The following CEP112 variants were observed in gnomAD, a reference collection of about 807,000 sequenced individuals.
CEP112 encodes centrosomal protein of 112 kDa.
In CEP112, 127 loss-of-function variants were observed where a neutral mutation model predicts 153.0. The ratio of observed to expected loss-of-function variants is 0.83; its 90% CI spans 0.72 to 0.96. The LOEUF (loss-of-function observed/expected upper bound fraction) is 0.96, where lower values mean the gene tolerates loss of function less well. Ranked by LOEUF, CEP112 falls within the 40% of genes least tolerant of loss-of-function variation. The pLI is 0.00. For missense variants in CEP112, 1,089 were observed against 1,101.2 expected (o/e 0.99, Z 0.16); for synonymous variants, 358 against 374.4 (o/e 0.96, Z 0.51).
intron 4 of CEP112, among the ~76,000 whole-genome samples, chr17:66,140,765 G>A (rs1274532837): frequency 6.6e-6 from 1 of 152,004 alleles, no homozygotes; most frequent in Non-Finnish European, 1.5e-5. Flanking sequence ...GCCTCCCCGA[G>A]TGGCTGGGAT....
At chr17:65,967,392 T>C (rs1467027584) in intron 17 of CEP112, among the ~76,000 whole-genome samples, 1 of 152,202 alleles carries the variant, frequency 6.6e-6, no homozygotes. Flanking sequence ...TTATTCTCAG[T>C]AAGTTAGTTT....
chr17:65,994,909 C>G (rs1039614719), intron 17 of CEP112, among the ~76,000 whole-genome samples: 3 of 152,156 alleles, frequency 2.0e-5, no homozygotes, highest in African/African-American at 7.2e-5. Context: ...GGCCTAATCA[C>G]AAGTGAGAAT....
chr17:66,095,393 G>A (rs1013380733), intron 8 of CEP112, among the ~76,000 whole-genome samples: 7 of 152,022 alleles, frequency 4.6e-5, no homozygotes, highest in Admixed American at 4.6e-4. Context: ...TAGAGAACAC[G>A]ATGTTAAGTG....
At chr17:65,990,012 CA>C (rs2063539968) in intron 17 of CEP112, among the ~76,000 whole-genome samples, 1 of 151,854 alleles carries the variant, frequency 6.6e-6, no homozygotes, top group South Asian at 2.1e-4. Flanking sequence ...AACCACAATG[CA>C]AAAACCTATA....
chr17:65,971,286 TAAC>T (rs942333549), intron 17 of CEP112, among the ~76,000 whole-genome samples: 41 of 152,322 alleles, frequency 2.7e-4, no homozygotes, highest in Admixed American at 1.7e-3. Context: ...CACATGCACA[TAAC>T]AAATATGCAC....
chr17:65,647,633 T>C (rs370874737), intron 24 of CEP112, among the ~76,000 whole-genome samples: 100 of 131,498 alleles, frequency 7.6e-4, no homozygotes, highest in African/African-American at 3.2e-3. Flanking sequence ...CGTGCCACCA[T>C]GCCCAGCTAA....
chr17:65,894,804 T>C (rs2059604080), intron 20 of CEP112, among the ~76,000 whole-genome samples: 1 of 152,118 alleles, frequency 6.6e-6, no homozygotes, highest in Admixed American at 6.6e-5. Flanking sequence ...CACTACTCAC[T>C]GTTCTATTCT....
At chr17:65,826,066 C>G (rs1339892594) in intron 21 of CEP112, 1 of 1,485,342 alleles carries the variant, frequency 6.7e-7, no homozygotes, top group Non-Finnish European at 9.4e-7. Flanking sequence ...ATGCCTAACT[C>G]AGCTCAGCAA....
intron 16 of CEP112, among the ~76,000 whole-genome samples, chr17:66,009,001 ATATCTCT>A (rs1320738509): frequency 5.3e-5 from 8 of 152,172 alleles, no homozygotes; most frequent in Non-Finnish European, 1.2e-4. Context: ...AGGAGTGTAG[ATATCTCT>A]TAAACATACT....
intron 21 of CEP112, among the ~76,000 whole-genome samples, chr17:65,844,302 G>C (rs1338787611): frequency 2.0e-5 from 3 of 152,036 alleles, no homozygotes; most frequent in Non-Finnish European, 4.4e-5. Flanking sequence ...AATTCTACTA[G>C]GATTTTAACC....
intron 24 of CEP112, among the ~76,000 whole-genome samples, chr17:65,673,678 G>A (rs1598277511): frequency 6.6e-6 from 1 of 152,154 alleles, no homozygotes; most frequent in East Asian, 1.9e-4. Flanking sequence ...GAAAATAAAA[G>A]AGAATATATT....
At position 66,149,884 on chromosome 17, in the gene CEP112, G is replaced by GT. The variant is rs1242689416; in HGVS notation, c.471-17122dup. ...AAATTTAGGGTTTTTTTTTTTGTTT[G>GT]TTTGTTTTTTTTTTTTTTTTTTTTT... On this transcript the variant is annotated intron_variant, in intron 4 of 26. Coordinates refer to ENST00000535342, the MANE Select transcript of CEP112 (RefSeq NM_001199165.4). Among the ~76,000 whole-genome samples, 406 of 46,788 alleles carry GT rather than the reference G, an allele frequency of 8.7e-3. 67 individuals are homozygous for GT. The highest frequency in any genetic ancestry group is 0.017 in the African/African-American group (208 of 12,070). 30.7% of individuals were successfully genotyped at this position (46,788 alleles called of 152,430 possible).
At chr17:65,690,365 G>A (rs1271255401) in intron 23 of CEP112, among the ~76,000 whole-genome samples, 1 of 147,380 alleles carries the variant, frequency 6.8e-6, no homozygotes, top group Non-Finnish European at 1.5e-5. Context: ...GTTTGAAGCT[G>A]CAGTGGGCTA....
chr17:65,927,545 T>C, intron 19 of CEP112, 37 bp downstream of exon 19: 1 of 1,175,366 alleles, frequency 8.5e-7, no homozygotes, highest in Non-Finnish European at 1.2e-6. Context: ...ATATGTATTT[T>C]AAAAATTTAA....
At chr17:65,686,623 A>G (rs2047808114) in intron 24 of CEP112, among the ~76,000 whole-genome samples, 1 of 152,206 alleles carries the variant, frequency 6.6e-6, no homozygotes, top group Non-Finnish European at 1.5e-5. Flanking sequence ...GTTGACCTTC[A>G]GTGACAATTA....
chr17:66,044,197 T>C (rs979044033), intron 12 of CEP112, among the ~76,000 whole-genome samples: 6 of 151,996 alleles, frequency 3.9e-5, no homozygotes, highest in Non-Finnish European at 8.8e-5. Context: ...AATTCCATTG[T>C]GAATGATATT....
chr17:65,720,088 A>G (rs1249521702), intron 23 of CEP112, among the ~76,000 whole-genome samples: 1 of 152,138 alleles, frequency 6.6e-6, no homozygotes, highest in East Asian at 1.9e-4. Context: ...AATGAAAGAG[A>G]GGAGGAAAGG....
intron 17 of CEP112, among the ~76,000 whole-genome samples, chr17:65,969,388 AATAC>A (rs960577171): frequency 2.8e-4 from 43 of 152,336 alleles, no homozygotes; most frequent in African/African-American, 1.0e-3. Context: ...TACATTGCAT[AATAC>A]ATACCACATG....
rs533608500 is a variant in CEP112 at position 66,157,615 on chromosome 17, T to C, written c.470+17429A>G. On this transcript the variant is annotated intron_variant, in intron 4 of 26. Coordinates refer to ENST00000535342, the MANE Select transcript of CEP112 (RefSeq NM_001199165.4). Reference sequence around the variant, plus strand: ...GATAAAGAGTCAAGACCCATCAGTGTGCTGTATTCAGGAGACCCATCTCAC... The same window carrying C: ...GATAAAGAGTCAAGACCCATCAGTGCGCTGTATTCAGGAGACCCATCTCAC... 4.6e-5 allele frequency among the ~76,000 whole-genome samples: 7 copies of C among 150,846 alleles called. No homozygotes were observed. In the South Asian group the frequency reaches 1.5e-3, roughly 32 times the overall value.
Sources: gnomAD v4.1 joint callset for allele counts (sites outside exome capture counted in the v4.1 genomes callset) on GRCh38, gnomAD v4.1.1 for gene constraint, MANE v1.5 for transcripts, NCBI Gene and HGNC (gene_info 2026-07-23, HGNC 2026-07-21) for gene names.